MAGI2: variants seen among roughly 807,000 people sequenced by gnomAD.
MAGI2 encodes membrane-associated guanylate kinase, WW and PDZ domain-containing protein 2.
In MAGI2, 35 loss-of-function variants were observed where a neutral mutation model predicts 133.3. The observed-to-expected ratio is 0.26, with a 90% CI of 0.20 to 0.35. The LOEUF (loss-of-function observed/expected upper bound fraction) is 0.35, where lower values mean the gene tolerates loss of function less well. Ranked by LOEUF, MAGI2 falls within the 10% of genes least tolerant of loss-of-function variation. The probability of loss-of-function intolerance (pLI) is 1.00; values close to 1 mark genes in which losing one functional copy is unlikely to be tolerated. For synonymous variants in MAGI2, 729 were observed against 710.6 expected, an observed-to-expected ratio of 1.03 and a Z score of -0.41; for missense variants, 1,636 against 1,863.4, an observed-to-expected ratio of 0.88 and a Z score of 2.25.
intron 2 of MAGI2, among the ~76,000 whole-genome samples, chr7:78,743,016 A>G (rs540470483): frequency 6.6e-6 from 1 of 152,226 alleles, no homozygotes; most frequent in East Asian, 1.9e-4. Context: ...AGCTCCAGTC[A>G]GTGGGACCAC....
intron 2 of MAGI2, among the ~76,000 whole-genome samples, chr7:78,993,112 A>C (rs893613666): frequency 6.6e-6 from 1 of 152,110 alleles, no homozygotes; most frequent in Non-Finnish European, 1.5e-5. Flanking sequence ...TACTATAAGC[A>C]GAACAGAACA....
chr7:78,739,299 T>C lies in MAGI2; in HGVS notation c.419-112060A>G, dbSNP rs1443894501. Among the ~76,000 whole-genome samples, 31 of 152,104 alleles carry C rather than the reference T, an allele frequency of 2.0e-4. 1 individual carries two copies. Among genetic ancestry groups the C allele is most frequent in the Admixed American group, 2.0e-3 (31 of 15,256 alleles). On this transcript the variant is annotated intron_variant, in intron 2 of 21. Coordinates refer to ENST00000354212, the MANE Select transcript of MAGI2 (RefSeq NM_012301.4). The stretch of plus-strand genomic sequence containing the variant: ...AAGGTCGTCAAACACCGAACTTGAA[T>C]ATAGGAATGCAGAGCAGTTGGGGTT...
chr7:79,423,126 C>T (rs1347513175), intron 1 of MAGI2, among the ~76,000 whole-genome samples: 19 of 152,008 alleles, frequency 1.2e-4, no homozygotes, highest in Admixed American at 1.2e-3. Flanking sequence ...ATAGCACTCT[C>T]CTAGAACCAA....
At chr7:78,786,751 G>T (rs1303098934) in intron 2 of MAGI2, among the ~76,000 whole-genome samples, 2 of 152,100 alleles carry the variant, frequency 1.3e-5, no homozygotes, top group African/African-American at 4.8e-5. Context: ...GTGCTTATCA[G>T]TATCTGACAT....
intron 9 of MAGI2, among the ~76,000 whole-genome samples, chr7:78,269,764 C>A (rs1472632354): frequency 6.6e-6 from 1 of 151,794 alleles, no homozygotes; most frequent in Non-Finnish European, 1.5e-5. Context: ...TGCAGAAGGC[C>A]TTTAATTAGA....
intron 1 of MAGI2, among the ~76,000 whole-genome samples, chr7:79,019,281 G>T (rs1809049007): frequency 6.6e-6 from 1 of 152,154 alleles, no homozygotes; most frequent in Non-Finnish European, 1.5e-5. Flanking sequence ...GCAGGACTGG[G>T]TGGAGATAAT....
At chr7:79,195,541 A>G (rs1204636018) in intron 1 of MAGI2, among the ~76,000 whole-genome samples, 1 of 152,006 alleles carries the variant, frequency 6.6e-6, no homozygotes, top group Non-Finnish European at 1.5e-5. Context: ...TGAAAATGGA[A>G]AAGTGATTCA....
At chr7:78,338,301 T>C (rs747790118) in intron 9 of MAGI2, among the ~76,000 whole-genome samples, 12 of 152,186 alleles carry the variant, frequency 7.9e-5, no homozygotes, top group Non-Finnish European at 1.8e-4. Context: ...CCTCTCTGCA[T>C]GTGCTATTTC....
intron 1 of MAGI2, among the ~76,000 whole-genome samples, chr7:79,440,090 A>G (rs1848398830): frequency 6.6e-6 from 1 of 151,810 alleles, no homozygotes; most frequent in African/African-American, 2.4e-5. Flanking sequence ...CAATATTAAG[A>G]GTGCTCTTAG....
intron 20 of MAGI2, among the ~76,000 whole-genome samples, chr7:78,081,542 C>A (rs1040754707): frequency 6.6e-6 from 1 of 152,036 alleles, no homozygotes; most frequent in Non-Finnish European, 1.5e-5. Flanking sequence ...GGTGACATAT[C>A]GGTTGAGTTT....
chr7:78,444,706 T>C (rs950698441), intron 6 of MAGI2, among the ~76,000 whole-genome samples: 9 of 151,964 alleles, frequency 5.9e-5, no homozygotes, highest in African/African-American at 2.2e-4. Context: ...AAATTTTAAC[T>C]TTTGAACTTT....
chr7:78,515,345 C>G (rs1053168613), intron 4 of MAGI2, among the ~76,000 whole-genome samples: 1 of 152,052 alleles, frequency 6.6e-6, no homozygotes, highest in East Asian at 1.9e-4. Flanking sequence ...TTAAAATGCA[C>G]TTCTGTATAC....
intron 1 of MAGI2, among the ~76,000 whole-genome samples, chr7:79,269,613 C>T (rs1275377764): frequency 2.0e-5 from 3 of 152,076 alleles, no homozygotes; most frequent in African/African-American, 7.2e-5. Context: ...GCCTTTGGTG[C>T]TATGTATATT....
intron 1 of MAGI2, among the ~76,000 whole-genome samples, chr7:79,401,762 A>G (rs1178889869): frequency 6.6e-6 from 1 of 152,182 alleles, no homozygotes; most frequent in East Asian, 1.9e-4. Context: ...AAACAATAAT[A>G]TAAACTTATT....
At chr7:78,316,074 C>T (rs1348040580) in intron 9 of MAGI2, among the ~76,000 whole-genome samples, 1 of 152,122 alleles carries the variant, frequency 6.6e-6, no homozygotes, top group Non-Finnish European at 1.5e-5. Context: ...CTTAGCTGTC[C>T]GTCTGTGAGT....
intron 14 of MAGI2, chr7:78,170,072 A>G (rs1225685278): frequency 1.3e-5 from 2 of 152,226 alleles, no homozygotes; most frequent in Non-Finnish European, 2.9e-5. Flanking sequence ...TTCAACCTTT[A>G]GCTTTCCGAT....
At chr7:78,875,775 C>T (rs1181327645) in intron 2 of MAGI2, among the ~76,000 whole-genome samples, 1 of 152,002 alleles carries the variant, frequency 6.6e-6, no homozygotes, top group African/African-American at 2.4e-5. Flanking sequence ...AGATTTTGGG[C>T]ATAGCAAACA....
chr7:79,323,327 G>A (rs780675121), intron 1 of MAGI2, among the ~76,000 whole-genome samples: 1 of 152,220 alleles, frequency 6.6e-6, no homozygotes, highest in Admixed American at 6.6e-5. Context: ...CTATGACAAG[G>A]TGGTAGAAAA....
chr7:79,394,448 C>T (rs1055585359), intron 1 of MAGI2, among the ~76,000 whole-genome samples: 2 of 152,284 alleles, frequency 1.3e-5, no homozygotes, highest in South Asian at 2.1e-4. Flanking sequence ...GTGGGATGTC[C>T]TTGCATACTG....
Sources: gnomAD v4.1 joint callset for allele counts (sites outside exome capture counted in the v4.1 genomes callset) on GRCh38, gnomAD v4.1.1 for gene constraint, MANE v1.5 for transcripts, NCBI Gene and HGNC (gene_info 2026-07-23, HGNC 2026-07-21) for gene names.